ARHGEF33: variants seen among roughly 807,000 people sequenced by gnomAD.
The protein encoded by ARHGEF33 is DH and coiled-coil domain-containing protein ENSP00000381780.
ARHGEF33 carries 72 observed loss-of-function variants against 101.9 expected under a neutral mutation model. The ratio of observed to expected loss-of-function variants is 0.71; its 90% CI spans 0.58 to 0.86. The LOEUF (loss-of-function observed/expected upper bound fraction) is 0.86, where lower values mean the gene tolerates loss of function less well. ARHGEF33 is among the 40% of genes least tolerant of loss of function. The pLI, the probability that ARHGEF33 is intolerant of heterozygous loss-of-function variation, is 0.00. For missense variants in ARHGEF33, 1,169 were observed against 1,111.3 expected (o/e 1.05, Z -0.74); for synonymous variants, 499 against 442.5 (o/e 1.13, Z -1.60).
chr2:38,959,601 C>A (rs919404481), intron 15 of ARHGEF33: 9 of 457,156 alleles, frequency 2.0e-5, no homozygotes, highest in Non-Finnish European at 3.5e-5. Context: ...AGTCCCTGGC[C>A]CGCAGGCCAT....
chr2:38,945,323 A>G (rs56753343), intron 10 of ARHGEF33, among the ~76,000 whole-genome samples: 6,454 of 152,264 alleles, frequency 0.042, 286 homozygotes, highest in African/African-American at 0.11. Context: ...TCCTACCTAA[A>G]TGACCGAGTG....
chr2:38,955,960 C>T (rs553771238), intron 13 of ARHGEF33, among the ~76,000 whole-genome samples: 104 of 152,224 alleles, frequency 6.8e-4, no homozygotes, highest in Non-Finnish European at 1.2e-3. Context: ...TGAGCCACCA[C>T]CCGTGCCCTG....
chr2:38,889,972 C>T lies in ARHGEF33; in HGVS notation c.-173C>T, dbSNP rs1340390440. ...CTTGATCTGAGGATGATATAACCACCGCAGGCAACATGGGGTAAGTATGCG... is the reference window on the plus strand; with the variant it reads ...CTTGATCTGAGGATGATATAACCACTGCAGGCAACATGGGGTAAGTATGCG... On this transcript the variant is annotated 5_prime_UTR_variant, in exon 1 of 18. Transcript: ENST00000409978. The T allele has an allele frequency of 1.5e-5, 7 of 469,928 alleles. No individual in the cohort carries two copies. Among genetic ancestry groups the T allele is most frequent in the East Asian group, 7.0e-5 (1 of 14,384 alleles). 29.1% of individuals were successfully genotyped at this position (469,928 alleles called of 1,614,324 possible).
intron 17 of ARHGEF33, among the ~76,000 whole-genome samples, chr2:38,967,157 CTG>C (rs1668067098): frequency 6.6e-6 from 1 of 152,216 alleles, no homozygotes; most frequent in African/African-American, 2.4e-5. Flanking sequence ...CTGATTTAGA[CTG>C]TGGTCCTCAT....
intron 2 of ARHGEF33, among the ~76,000 whole-genome samples, chr2:38,912,517 T>G (rs949297284): frequency 6.6e-6 from 1 of 152,174 alleles, no homozygotes; most frequent in Admixed American, 6.5e-5. Flanking sequence ...CTCGTCAACC[T>G]AGAAATTCTG....
chr2:38,917,612 T>C (rs1036861206), intron 2 of ARHGEF33, among the ~76,000 whole-genome samples: 1 of 151,966 alleles, frequency 6.6e-6, no homozygotes, highest in African/African-American at 2.4e-5. Context: ...GGGAGTCGCT[T>C]GAGCCCAGGA....
intron 4 of ARHGEF33, among the ~76,000 whole-genome samples, chr2:38,927,037 G>A (rs1022610183): frequency 3.3e-5 from 5 of 152,148 alleles, no homozygotes; most frequent in African/African-American, 9.7e-5. Context: ...ATTAGGACAT[G>A]AGCCAAAATC....
At position 38,959,862 on chromosome 2, in the gene ARHGEF33, G is replaced by C; in HGVS notation, c.1557G>C (p.Lys519Asn). ...AAAGACATCTGATGCCCCCAGTGAA[G>C]AAAAGCCAACAGCAGCAAAGCCTGA... ...PAITHLMPPV[K>N]KSQQQQSLME... is the part of the protein sequence containing the mutation. The change falls in exon 16 of 18, where the codon AAG becomes AAC. Residue 519 changes from lysine (K) to asparagine (N), a missense_variant. Transcript: ENST00000409978. The C allele has an allele frequency of 1.9e-6, 3 of 1,550,138 alleles. No individual in the cohort carries two copies. Among genetic ancestry groups the C allele is most frequent in the Non-Finnish European group, 2.6e-6 (3 of 1,145,724 alleles).
At chr2:38,968,591 G>A (rs1019000944) in intron 17 of ARHGEF33, among the ~76,000 whole-genome samples, 5 of 152,138 alleles carry the variant, frequency 3.3e-5, no homozygotes, top group East Asian at 1.9e-4. Context: ...GTGGCTGTTC[G>A]GGATTCTCCT....
intron 9 of ARHGEF33, among the ~76,000 whole-genome samples, chr2:38,940,039 C>T (rs1316565495): frequency 6.6e-6 from 1 of 152,184 alleles, no homozygotes; most frequent in Non-Finnish European, 1.5e-5. Flanking sequence ...GTTGTTTCAG[C>T]ATCATTAATT....
At chr2:38,949,839 G>C (rs1175090291) in intron 10 of ARHGEF33, among the ~76,000 whole-genome samples, 3 of 152,298 alleles carry the variant, frequency 2.0e-5, no homozygotes, top group East Asian at 3.9e-4. Context: ...AAGGCGAAGG[G>C]GAAGCAGGCA....
At chr2:38,898,435 A>T (rs1034499216) in intron 2 of ARHGEF33, among the ~76,000 whole-genome samples, 1 of 152,204 alleles carries the variant, frequency 6.6e-6, no homozygotes, top group Non-Finnish European at 1.5e-5. Context: ...AGCCACTGTC[A>T]TGCCCTCTGC....
At chr2:38,913,430 C>T (rs779236400) in intron 2 of ARHGEF33, among the ~76,000 whole-genome samples, 13 of 151,996 alleles carry the variant, frequency 8.6e-5, no homozygotes, top group Non-Finnish European at 1.6e-4. Context: ...ACTTCCAATT[C>T]GTTATGGCTA....
chr2:38,941,100 C>T (rs768290406), intron 9 of ARHGEF33, among the ~76,000 whole-genome samples: 1 of 152,192 alleles, frequency 6.6e-6, no homozygotes, highest in Non-Finnish European at 1.5e-5. Context: ...GGCTGATTAT[C>T]ATTTAACTAT....
intron 4 of ARHGEF33, among the ~76,000 whole-genome samples, chr2:38,922,737 G>A (rs893870609): frequency 6.6e-6 from 1 of 152,186 alleles, no homozygotes; most frequent in Non-Finnish European, 1.5e-5. Context: ...TTACAAGGTA[G>A]GCTGTTGAAA....
At chr2:38,921,630 G>A (rs945519300) in intron 4 of ARHGEF33, among the ~76,000 whole-genome samples, 2 of 152,102 alleles carry the variant, frequency 1.3e-5, no homozygotes, top group Non-Finnish European at 2.9e-5. Flanking sequence ...TTGAGACAGG[G>A]TCTTGCTGTG....
chr2:38,958,196 C>T lies in ARHGEF33; in HGVS notation c.1533C>T (p.Ile511=), dbSNP rs1240947123. The change falls in exon 15 of 18, where the codon ATC becomes ATT. Residue 511 remains isoleucine, a splice_region_variant and synonymous_variant. Coordinates refer to ENST00000409978, the MANE Select transcript of ARHGEF33 (RefSeq NM_001145451.5). ...YPSAPSSGPA[I]THLMPPVKKS... The stretch of plus-strand genomic sequence containing the variant: ...CTGCTCCCAGTTCTGGCCCTGCCAT[C>T]ACGTAAGCACCTGTTGCTGTGGGAA... The T allele has an allele frequency of 6.4e-7, 1 of 1,551,588 alleles. No individual in the cohort carries two copies. The highest frequency in any genetic ancestry group is 2.0e-5 in the Admixed American group (1 of 51,008).
At chr2:38,924,021 T>C (rs1471346564) in intron 4 of ARHGEF33, among the ~76,000 whole-genome samples, 1 of 152,046 alleles carries the variant, frequency 6.6e-6, no homozygotes, top group Non-Finnish European at 1.5e-5. Context: ...CAGAGGCAAA[T>C]AACAAAATCA....
At chr2:38,902,865 G>A (rs180902827) in intron 2 of ARHGEF33, among the ~76,000 whole-genome samples, 78 of 152,196 alleles carry the variant, frequency 5.1e-4, no homozygotes, top group Non-Finnish European at 9.6e-4. Flanking sequence ...GCAGTGAAAG[G>A]GAGATAGGGT....
Sources: gnomAD v4.1 joint callset for allele counts (sites outside exome capture counted in the v4.1 genomes callset) on GRCh38, gnomAD v4.1.1 for gene constraint, MANE v1.5 for transcripts, NCBI Gene and HGNC (gene_info 2026-07-23, HGNC 2026-07-21) for gene names.